MGST1: variants seen among roughly 807,000 people sequenced by gnomAD.
MGST1 encodes microsomal glutathione S-transferase 1.
A neutral mutation model predicts 8.9 loss-of-function variants in MGST1; 5 were observed. The observed-to-expected ratio is 0.56, with a 90% confidence interval of 0.29 to 1.19. The LOEUF (loss-of-function observed/expected upper bound fraction) is 1.19, where lower values mean the gene tolerates loss of function less well. Among genes scored for constraint, MGST1 ranks in the 50% most tolerant of loss-of-function variants. The pLI is 0.08. For missense variants in MGST1, 182 were observed against 187.4 expected, an observed-to-expected ratio of 0.97 and a Z score of 0.17; for synonymous variants, 54 against 67.8, an observed-to-expected ratio of 0.80 and a Z score of 1.00.
chr12:16,432,729 C>CAGAGAGAG (rs796540022), intron 1 of MGST1, among the ~76,000 whole-genome samples: 23 of 131,160 alleles, frequency 1.8e-4, no homozygotes, highest in Non-Finnish European at 2.6e-4. Context: ...CACACACACA[C>CAGAGAGAG]ACAGAGAGAG....
chr12:16,542,828 G>A (rs2193185), intron 4 of MGST1, among the ~76,000 whole-genome samples: 68,736 of 151,942 alleles, frequency 0.45, 16,170 homozygotes, highest in African/African-American at 0.58. Flanking sequence ...ATCTGTGATG[G>A]CTTTCTCTCT....
At position 16,537,927 on chromosome 12, in the gene MGST1, A is replaced by T. The variant is rs1425588610; in HGVS notation, n.483-51601A>T. Among the ~76,000 whole-genome samples, 1 of 152,190 alleles carries T rather than the reference A, an allele frequency of 6.6e-6. No individual in the cohort carries two copies. Among genetic ancestry groups the T allele is most frequent in the Non-Finnish European group, 1.5e-5 (1 of 68,034 alleles). On this transcript the variant is annotated intron_variant and non_coding_transcript_variant, in intron 4 of 4. Transcript: ENST00000538857. This position sits in a 1 kb window ranked among gnomAD's most constrained non-coding sequence, Gnocchi z 4.6. ...TTTCCCCATTGTCTTGGAGATTAACATGTGGCTCCTTGTTACTTATGCAAA... is the reference window on the plus strand; with the variant it reads ...TTTCCCCATTGTCTTGGAGATTAACTTGTGGCTCCTTGTTACTTATGCAAA...
intron 1 of MGST1, chr12:16,400,306 G>A (rs1189946896): frequency 1.3e-6 from 1 of 796,360 alleles, no homozygotes; most frequent in South Asian, 1.4e-5. Flanking sequence ...GAGCTGGAAT[G>A]AAGCATGCTT....
chr12:16,432,655 C>T (rs1037733895), intron 1 of MGST1, among the ~76,000 whole-genome samples: 5 of 150,378 alleles, frequency 3.3e-5, no homozygotes, highest in South Asian at 2.1e-4. Context: ...TGTCCTCACT[C>T]GCAAATCTCT....
chr12:16,516,285 C>T (rs1941614717), intron 4 of MGST1, among the ~76,000 whole-genome samples: 1 of 152,212 alleles, frequency 6.6e-6, no homozygotes, highest in South Asian at 2.1e-4. Flanking sequence ...CTGAATTAGT[C>T]TTTCCAGTAG....
intron 4 of MGST1, among the ~76,000 whole-genome samples, chr12:16,574,257 T>A (rs1350863632): frequency 6.6e-6 from 1 of 152,148 alleles, no homozygotes; most frequent in African/African-American, 2.4e-5. Flanking sequence ...GTATAAACGA[T>A]GACTCTTTAA....
At chr12:16,519,512 A>G (rs1941635018) in intron 4 of MGST1, among the ~76,000 whole-genome samples, 1 of 152,192 alleles carries the variant, frequency 6.6e-6, no homozygotes, top group African/African-American at 2.4e-5. Context: ...TATGCACTAG[A>G]GGACTCCAAC....
intron 4 of MGST1, among the ~76,000 whole-genome samples, chr12:16,522,759 C>T (rs2137191651): frequency 6.6e-6 from 1 of 152,170 alleles, no homozygotes; most frequent in Middle Eastern, 3.4e-3. Context: ...AGTTTCAACT[C>T]TGTTTCTGCA....
intron 4 of MGST1, among the ~76,000 whole-genome samples, chr12:16,448,608 C>T (rs1167032778): frequency 1.3e-5 from 2 of 151,906 alleles, no homozygotes; most frequent in East Asian, 1.9e-4. Flanking sequence ...CATAAACACA[C>T]TTTTAAAATT....
At chr12:16,385,508 T>A (rs1940496871) in intron 1 of MGST1, among the ~76,000 whole-genome samples, 1 of 152,216 alleles carries the variant, frequency 6.6e-6, no homozygotes, top group Admixed American at 6.5e-5. Context: ...AATATTTTTC[T>A]CAAGTAAAAT....
chr12:16,443,312 T>C (rs1308166195), downstream of MGST1, among the ~76,000 whole-genome samples: 3 of 151,886 alleles, frequency 2.0e-5, no homozygotes, highest in East Asian at 5.8e-4. Flanking sequence ...TCTTGTGTTT[T>C]AGTAGGAATG....
intron 4 of MGST1, among the ~76,000 whole-genome samples, chr12:16,578,046 C>T (rs1815539826): frequency 6.6e-6 from 1 of 152,188 alleles, no homozygotes; most frequent in Non-Finnish European, 1.5e-5. Context: ...CTCCAGTCCT[C>T]AGTAGGCAAC....
chr12:16,395,167 A>C (rs1256515614), intron 1 of MGST1, among the ~76,000 whole-genome samples: 2 of 151,998 alleles, frequency 1.3e-5, no homozygotes, highest in African/African-American at 2.4e-5. Context: ...TATTTTTCAC[A>C]TATAGGTCAT....
At position 16,363,293 on chromosome 12, in the gene MGST1, G is replaced by A. The variant is rs1940081842; in HGVS notation, c.222-502G>A. The stretch of plus-strand genomic sequence containing the variant: ...AGCATGAGAGTCTTGATATTAAATT[G>A]GTAAATTAATTATTGGCAACCTAGT... On this transcript the variant is annotated intron_variant, in intron 3 of 3. Transcript: ENST00000396210. This position sits in a 1 kb window ranked among gnomAD's most constrained non-coding sequence, Gnocchi z 4.6. 1 of 152,116 alleles carries A rather than the reference G, an allele frequency of 6.6e-6. No individual in the cohort carries two copies. The highest frequency in any genetic ancestry group is 6.6e-5 in the Admixed American group (1 of 15,264). The allele number at this position is 152,116 out of a possible 1,614,324, so 9.4% of individuals were successfully genotyped here. A position where few individuals can be genotyped will look rare whatever the true frequency, so the allele number is the denominator to read the frequency against.
Position 16,371,542 on chromosome 12 carries a change from A to G in MGST1, c.222-4580A>G, listed in dbSNP as rs185545495. Among the ~76,000 whole-genome samples the G allele has an allele frequency of 7.9e-5, 12 of 152,214 alleles. No homozygotes were observed. The East Asian group carries it at 1.7e-3, about 22-fold the overall frequency. ...TTTTTGTATGGCCCACAAGCTAACA[A>G]TGATCAATGGTTTTTACTAATGAAC... On this transcript the variant is annotated intron_variant, in intron 3 of 3. Coordinates refer to the MGST1 transcript ENST00000535309.
chr12:16,415,941 A>G (rs1357360015), intron 1 of MGST1, among the ~76,000 whole-genome samples: 2 of 152,236 alleles, frequency 1.3e-5, no homozygotes, highest in East Asian at 1.9e-4. Flanking sequence ...AAATATTTGC[A>G]GCCATAATCA....
At chr12:16,376,213 G>A (rs1254294724) in exon 4 of MGST1, 8 of 781,274 alleles carry the variant, frequency 1.0e-5, no homozygotes, top group Non-Finnish European at 1.4e-5. Flanking sequence ...ATGTTTCCTT[G>A]TAGAAGCAAA....
intron 4 of MGST1, among the ~76,000 whole-genome samples, chr12:16,495,382 G>T (rs920285774): frequency 6.6e-6 from 1 of 151,994 alleles, no homozygotes; most frequent in Non-Finnish European, 1.5e-5. Context: ...CTCAAATGAC[G>T]GGATCATTCC....
chr12:16,376,137 G>A (rs1319219902), exon 4 of MGST1: 2 of 1,310,208 alleles, frequency 1.5e-6, no homozygotes, highest in East Asian at 2.6e-5. Context: ...AACAAACCCT[G>A]AGCATTTATC....
Sources: allele counts gnomAD v4.1 joint callset (sites outside exome capture counted in the v4.1 genomes callset), GRCh38; gene constraint gnomAD v4.1.1; non-coding constraint Gnocchi (gnomAD v3.1); transcripts MANE v1.5; gene names NCBI Gene and HGNC (gene_info 2026-07-23, HGNC 2026-07-21).